The following HMGB1 variants were observed in gnomAD, a reference collection of about 807,000 sequenced individuals.
HMGB1 encodes the protein high mobility group protein B1.
For synonymous variants in HMGB1, 81 were observed against 84.0 expected, an observed-to-expected ratio of 0.96 and a Z score of 0.19; for missense variants, 79 against 253.5, an observed-to-expected ratio of 0.31 and a Z score of 4.67.
chr13:30,495,773 C>T (rs936122951), intron 1 of HMGB1, among the ~76,000 whole-genome samples: 6 of 152,200 alleles, frequency 3.9e-5, no homozygotes, highest in African/African-American at 1.2e-4. Context: ...CCACTGCACC[C>T]GGCCAATATT....
At chr13:30,611,810 T>C (rs1264472777) in intron 1 of HMGB1, among the ~76,000 whole-genome samples, 1 of 151,540 alleles carries the variant, frequency 6.6e-6, no homozygotes, top group Non-Finnish European at 1.5e-5. Flanking sequence ...GCTGTTCATC[T>C]GTACCCTTTA....
intron 1 of HMGB1, among the ~76,000 whole-genome samples, chr13:30,583,055 C>T (rs949091210): frequency 3.3e-5 from 5 of 151,430 alleles, no homozygotes; most frequent in African/African-American, 4.9e-5. Flanking sequence ...TTTGTAGAGA[C>T]GGGGTCTTGC....
chr13:30,538,451 ATTCTTTCTTTCTTTCTTTCT>A lies in HMGB1; in HGVS notation c.-14-74777_-14-74758del, dbSNP rs760828749. On this transcript the variant is annotated intron_variant, in intron 1 of 4. Transcript: ENST00000405805. ...ACCACTGCAGTAACTAGTACTAGCAATTCTTTCTTTCTTTCTTTCTTTCTTTCTTTCTTTCTTTCTTTCTT... is the reference window on the plus strand; with the variant it reads ...ACCACTGCAGTAACTAGTACTAGCAATTCTTTCTTTCTTTCTTTCTTTCTT... 6.9e-4 allele frequency among the ~76,000 whole-genome samples: 63 copies of A among 90,680 alleles called. 1 individual carries two copies. The highest frequency in any genetic ancestry group is 2.4e-3 in the East Asian group (8 of 3,270). The allele number at this position is 90,680 out of a possible 152,430, so 59.5% of individuals were successfully genotyped here.
intron 1 of HMGB1, among the ~76,000 whole-genome samples, chr13:30,586,499 T>G (rs1304216809): frequency 1.4e-5 from 2 of 146,318 alleles, no homozygotes; most frequent in Non-Finnish European, 3.0e-5. Flanking sequence ...TTTTTTTTTT[T>G]TTTTTTGAGA....
intron 1 of HMGB1, among the ~76,000 whole-genome samples, chr13:30,490,340 C>T (rs1887458561): frequency 6.6e-6 from 1 of 152,032 alleles, no homozygotes; most frequent in South Asian, 2.1e-4. Context: ...GGAATTTGGG[C>T]TGGGCGTGGT....
At chr13:30,487,305 A>G (rs184474445) in intron 1 of HMGB1, among the ~76,000 whole-genome samples, 2 of 152,332 alleles carry the variant, frequency 1.3e-5, no homozygotes, top group Non-Finnish European at 2.9e-5. Flanking sequence ...TCTGCTTTCA[A>G]CACTTGGTGC....
At chr13:30,577,342 TAAAA>T (rs5802577) in intron 1 of HMGB1, among the ~76,000 whole-genome samples, 1 of 128,228 alleles carries the variant, frequency 7.8e-6, no homozygotes. Flanking sequence ...CCAGTCTCTT[TAAAA>T]AAAAAAAAAA....
chr13:30,541,835 GGC>G (rs1868906077), intron 1 of HMGB1: 1 of 155,464 alleles, frequency 6.4e-6, no homozygotes, highest in Non-Finnish European at 1.4e-5. Flanking sequence ...TAGGAAGCAT[GGC>G]TTTGTTGAAA....
At chr13:30,603,846 T>C (rs772015556) in intron 1 of HMGB1, among the ~76,000 whole-genome samples, 5 of 152,216 alleles carry the variant, frequency 3.3e-5, no homozygotes, top group Non-Finnish European at 5.9e-5. Context: ...TTATACTGTA[T>C]TGTTTAGGGA....
At chr13:30,466,089 A>ATG (rs1263764381), upstream of HMGB1, 11 of 292,044 alleles carry the variant, frequency 3.8e-5, no homozygotes, top group Admixed American at 6.5e-5. Context: ...GCAAATCTGA[A>ATG]TGTGTGTGTA....
chr13:30,586,215 T>C lies in HMGB1; in HGVS notation c.-15+30456A>G, dbSNP rs537251041. 3.3e-5 allele frequency among the ~76,000 whole-genome samples: 5 copies of C among 152,310 alleles called. 1 individual carries two copies. The highest frequency in any genetic ancestry group is 3.9e-4 in the East Asian group (2 of 5,182). On this transcript the variant is annotated intron_variant, in intron 1 of 4. Transcript: ENST00000405805. ...GACTACAGGCATGCACAGCTATGCC[T>C]GGCTAATTACTCAATCTTTAACATA...
chr13:30,579,977 AAAATGAC>A (rs1357433023), intron 1 of HMGB1, among the ~76,000 whole-genome samples: 1 of 152,180 alleles, frequency 6.6e-6, no homozygotes, highest in Non-Finnish European at 1.5e-5. Context: ...CAATTGGGAG[AAAATGAC>A]AAATAATACA....
At chr13:30,565,585 G>A (rs1469080939) in intron 1 of HMGB1, among the ~76,000 whole-genome samples, 2 of 152,118 alleles carry the variant, frequency 1.3e-5, no homozygotes, top group Non-Finnish European at 2.9e-5. Context: ...AATTTTTAAC[G>A]CATAAGCAAA....
At chr13:30,582,448 C>T (rs1198859645) in intron 1 of HMGB1, among the ~76,000 whole-genome samples, 2 of 151,862 alleles carry the variant, frequency 1.3e-5, no homozygotes, top group African/African-American at 4.8e-5. Flanking sequence ...ACCATCCTGG[C>T]TGACACGGTG....
intron 1 of HMGB1, among the ~76,000 whole-genome samples, chr13:30,494,396 T>G (rs1887565454): frequency 6.6e-6 from 1 of 152,138 alleles, no homozygotes; most frequent in Admixed American, 6.5e-5. Flanking sequence ...AGTTTCGCTC[T>G]TGTTGCCCAG....
chr13:30,542,768 GAC>G (rs895335005), intron 1 of HMGB1: 1 of 208,652 alleles, frequency 4.8e-6, no homozygotes, highest in African/African-American at 2.3e-5. Flanking sequence ...CCTTCTTCTG[GAC>G]ACACAACGTT....
At chr13:30,603,251 T>G (rs189106194) in intron 1 of HMGB1, among the ~76,000 whole-genome samples, 1 of 152,340 alleles carries the variant, frequency 6.6e-6, no homozygotes. Flanking sequence ...CTAGTGATTA[T>G]TCCCAAATCT....
rs187314426 is a variant in HMGB1 at position 30,581,202 on chromosome 13, A to G, written c.-15+35469T>C. ...ATGAGGGAATCAGATCCAGAAAGTG[A>G]TTCTTATAACTTAGATTACTTAGAG... is the stretch of plus-strand genomic sequence containing the variant. On this transcript the variant is annotated intron_variant, in intron 1 of 4. Coordinates refer to the HMGB1 transcript ENST00000405805. Among the ~76,000 whole-genome samples, 60 of 152,366 alleles carry G rather than the reference A, an allele frequency of 3.9e-4. 1 individual carries two copies. In the East Asian group the frequency reaches 0.011, roughly 28 times the overall value.
chr13:30,470,874 C>T (rs1886906668), upstream of HMGB1, among the ~76,000 whole-genome samples: 1 of 152,024 alleles, frequency 6.6e-6, no homozygotes, highest in Non-Finnish European at 1.5e-5. Context: ...GTCTTGAACC[C>T]CTGACCTTAG....
Sources: allele counts gnomAD v4.1 joint callset (sites outside exome capture counted in the v4.1 genomes callset), GRCh38; gene constraint gnomAD v4.1.1; transcripts MANE v1.5; gene names NCBI Gene and HGNC (gene_info 2026-07-23, HGNC 2026-07-21).